The following SLF2 variants were observed in gnomAD, a reference collection of about 807,000 sequenced individuals.
SLF2 encodes the protein SMC5/6 complex localization factor 2, also known as SMC5-SMC6 complex localization factor protein 2.
Under a neutral mutation model 124.3 loss-of-function variants are expected in SLF2, and 68 were observed. That is an observed-to-expected ratio of 0.55 (90% CI 0.45 to 0.67). The LOEUF (loss-of-function observed/expected upper bound fraction) is 0.67. Ranked by LOEUF, SLF2 falls within the 30% of genes least tolerant of loss-of-function variation. The pLI, the probability that SLF2 is intolerant of heterozygous loss-of-function variation, is 0.00. For synonymous variants in SLF2, 480 were observed against 478.8 expected (o/e 1.00, Z -0.03); for missense variants, 1,246 against 1,373.7 (o/e 0.91, Z 1.47).
chr10:100,925,813 T>C, intron 5 of SLF2, 136 bp from the exon 6 acceptor site: 5 of 834,014 alleles, frequency 6.0e-6, no homozygotes, highest in Non-Finnish European at 9.1e-6. Context: ...TGGTGAAAAT[T>C]ATCCTTTAAG....
At position 100,960,175 on chromosome 10, in the gene SLF2, T is replaced by A. The variant is rs1037281400; in HGVS notation, c.3486+679T>A. ...GGATATGTCACATTTATTTATCTAC[T>A]TATCAGACATTTGTATTGTTTTCAC... On this transcript the variant is annotated intron_variant, in intron 19 of 19. Coordinates refer to ENST00000238961, the MANE Select transcript of SLF2 (RefSeq NM_018121.4). Among the ~76,000 whole-genome samples, 3 of 152,256 alleles carry A rather than the reference T, an allele frequency of 2.0e-5. No homozygotes were observed. In the East Asian group the frequency reaches 5.8e-4, roughly 29 times the overall value.
Position 100,918,461 on chromosome 10 carries a change from T to C in SLF2, c.973+20T>C. On this transcript the variant is annotated intron_variant, in intron 4 of 19. Transcript: ENST00000238961. ...CTTCAGGTAGAATCAAAATTAAATT[T>C]ATGGATTTCTAAATAAATTTCCATT... 1 of 1,503,666 alleles carries C rather than the reference T, an allele frequency of 6.7e-7. No homozygotes were observed. The highest frequency in any genetic ancestry group is 9.0e-7 in the Non-Finnish European group (1 of 1,105,582). 93.1% of individuals were successfully genotyped at this position (1,503,666 alleles called of 1,614,324 possible). A position where few individuals can be genotyped will look rare whatever the true frequency, so the allele number is the denominator to read the frequency against.
intron 15 of SLF2, 120 bp downstream of exon 15, chr10:100,947,967 T>TCTTAA (rs1850137030): frequency 6.4e-6 from 4 of 627,922 alleles, no homozygotes; most frequent in Non-Finnish European, 1.1e-5. Context: ...AGCTTGATAC[T>TCTTAA]GTTCATGTAA....
chr10:100,956,549 C>A lies in SLF2; in HGVS notation c.3417+12C>A. On this transcript the variant is annotated intron_variant, in intron 18 of 19. Coordinates refer to ENST00000238961, the MANE Select transcript of SLF2 (RefSeq NM_018121.4). ...TTTACAGAACTAAGGTAAGTGTGTT[C>A]TTTCTTTTTTTCTTTTTTTTTTTCT... 2 of 1,548,646 alleles carry A rather than the reference C, an allele frequency of 1.3e-6. No homozygotes were observed. Among genetic ancestry groups the A allele is most frequent in the Non-Finnish European group, 8.7e-7 (1 of 1,144,114 alleles).
chr10:100,915,483 G>T (rs1300647523), intron 1 of SLF2, among the ~76,000 whole-genome samples: 1 of 152,080 alleles, frequency 6.6e-6, no homozygotes, highest in Non-Finnish European at 1.5e-5. Flanking sequence ...CTCTTGTTAT[G>T]AGAGTCTGTT....
chr10:100,922,908 T>A (rs964226499), intron 4 of SLF2, among the ~76,000 whole-genome samples: 5 of 151,910 alleles, frequency 3.3e-5, no homozygotes, highest in African/African-American at 1.2e-4. Flanking sequence ...CCCAAGTAGC[T>A]GGGAGTACAG....
chr10:100,946,106 C>T (rs2133813430), intron 13 of SLF2, among the ~76,000 whole-genome samples: 1 of 152,166 alleles, frequency 6.6e-6, no homozygotes, highest in African/African-American at 2.4e-5. Flanking sequence ...TTATATTTTT[C>T]AGTCTTTTTT....
intron 9 of SLF2, among the ~76,000 whole-genome samples, chr10:100,935,406 A>G (rs1257138851): frequency 2.7e-5 from 4 of 150,032 alleles, no homozygotes; most frequent in African/African-American, 9.8e-5. Context: ...AAAAAAAAAA[A>G]AGTTATATCA....
chr10:100,937,700 C>G (rs1183696541), intron 10 of SLF2, among the ~76,000 whole-genome samples: 1 of 152,082 alleles, frequency 6.6e-6, no homozygotes, highest in Non-Finnish European at 1.5e-5. Context: ...CTTCCACCTC[C>G]CTGGTTCAAG....
At chr10:100,960,828 T>A (rs1259174850) in intron 19 of SLF2, among the ~76,000 whole-genome samples, 1 of 151,922 alleles carries the variant, frequency 6.6e-6, no homozygotes, top group African/African-American at 2.4e-5. Context: ...ACATTTTTTT[T>A]AACACCTGCT....
At chr10:100,950,801 T>C (rs923740413) in intron 17 of SLF2, 48 bp downstream of exon 17, 12 of 1,424,920 alleles carry the variant, frequency 8.4e-6, no homozygotes, top group Non-Finnish European at 1.1e-5. Context: ...TAGGTGTTAC[T>C]GATGATGGAA....
chr10:100,929,865 C>T lies in SLF2; in HGVS notation c.2201C>T (p.Ala734Val). ...FLKKFSVTID[A>V]IPDHHPGEEI... ...AAGAAATTTTCAGTTACAATTGATG[C>T]TATTCCTGATCATCATCCAGGTGAA... Residue 734 changes from alanine (A) to valine (V), a missense_variant, in exon 8 of 20, where the codon GCT becomes GTT. Physicochemically the swap from Ala to Val is moderately conservative, Grantham distance 64 (BLOSUM62 0). Around this residue, in one of 3 missense-constraint regions of SLF2, gnomAD observed 535 missense variants for 632.8 expected, o/e 0.85. Transcript: ENST00000238961. The T allele has an allele frequency of 6.3e-7, 1 of 1,589,146 alleles. No individual in the cohort carries two copies. Among genetic ancestry groups the T allele is most frequent in the Non-Finnish European group, 8.5e-7 (1 of 1,172,736 alleles).
intron 11 of SLF2, 53 bp downstream of exon 11, chr10:100,938,789 A>C: frequency 6.9e-7 from 1 of 1,443,244 alleles, no homozygotes; most frequent in Non-Finnish European, 9.3e-7. Context: ...TACGACTTAT[A>C]TATAATTATA....
At chr10:100,944,595 TTTTTA>T (rs2133810810) in intron 12 of SLF2, among the ~76,000 whole-genome samples, 1 of 152,340 alleles carries the variant, frequency 6.6e-6, no homozygotes, top group East Asian at 1.9e-4. Context: ...GTTTTTGCTG[TTTTTA>T]TTTTGTTTTA....
chr10:100,953,959 T>G (rs2133825998), intron 17 of SLF2, among the ~76,000 whole-genome samples: 1 of 151,900 alleles, frequency 6.6e-6, no homozygotes, highest in East Asian at 2.0e-4. Flanking sequence ...GCCTCCTCTT[T>G]AAGACATTAG....
At chr10:100,937,185 A>AT (rs1849880421) in intron 9 of SLF2, among the ~76,000 whole-genome samples, 1 of 151,758 alleles carries the variant, frequency 6.6e-6, no homozygotes, top group African/African-American at 2.4e-5. Flanking sequence ...TAATTTTTGT[A>AT]TTTTTTGTAG....
chr10:100,926,273 C>T, intron 6 of SLF2: 1 of 1,492,234 alleles, frequency 6.7e-7, no homozygotes, highest in Non-Finnish European at 8.9e-7. Context: ...GGCGCCACTT[C>T]ACTGCAGCCT....
chr10:100,955,264 A>G (rs1850308908), intron 17 of SLF2, among the ~76,000 whole-genome samples: 1 of 152,054 alleles, frequency 6.6e-6, no homozygotes, highest in African/African-American at 2.4e-5. Flanking sequence ...AAAAAAAAAA[A>G]AGTCACAAAC....
At chr10:100,937,309 C>T in intron 9 of SLF2, 93 bp from the exon 10 acceptor site, 1 of 936,680 alleles carries the variant, frequency 1.1e-6, no homozygotes, top group African/African-American at 1.6e-5. Flanking sequence ...CTGCGCCTGG[C>T]CTACATAAAA....
Sources: gnomAD v4.1 joint callset for allele counts (sites outside exome capture counted in the v4.1 genomes callset) on GRCh38, gnomAD v4.1.1 for gene constraint, gnomAD v4.1.1 regional missense constraint, MANE v1.5 for transcripts, NCBI Gene and HGNC (gene_info 2026-07-23, HGNC 2026-07-21) for gene names.